Variants in RPH3A observed in about 807,000 individuals in gnomAD.
RPH3A encodes the protein rabphilin-3A.
Under a neutral mutation model 102.2 loss-of-function variants are expected in RPH3A, and 48 were observed. That is an observed-to-expected ratio of 0.47 (90% CI 0.37 to 0.60). The LOEUF (loss-of-function observed/expected upper bound fraction) is 0.60. Ranked by LOEUF, RPH3A falls within the 20% of genes least tolerant of loss-of-function variation. RPH3A has a pLI of 0.00. For synonymous variants in RPH3A, 310 were observed against 324.3 expected, an observed-to-expected ratio of 0.96 and a Z score of 0.47; for missense variants, 781 against 910.1, an observed-to-expected ratio of 0.86 and a Z score of 1.83.
chr12:112,781,847 A>G (rs2041011320), intron 1 of RPH3A, among the ~76,000 whole-genome samples: 3 of 152,268 alleles, frequency 2.0e-5, no homozygotes, highest in African/African-American at 7.2e-5. Context: ...ATGATGATCT[A>G]GTCCAGGTCT....
chr12:112,869,351 TGC>T (rs2042665428), intron 8 of RPH3A: 1 of 172,608 alleles, frequency 5.8e-6, no homozygotes. Flanking sequence ...GCACAATGCC[TGC>T]CACCTAAGAG....
chr12:112,803,332 A>G (rs2041391638), intron 2 of RPH3A, among the ~76,000 whole-genome samples: 1 of 151,754 alleles, frequency 6.6e-6, no homozygotes, highest in African/African-American at 2.4e-5. Context: ...AGATGGAGAG[A>G]GGGAGAGGAT....
chr12:112,633,066 TCTGTAGTCCCAGCTA>T lies in RPH3A; in HGVS notation c.-140+57765_-140+57779del, dbSNP rs371971824. Among the ~76,000 whole-genome samples, 268 of 151,442 alleles carry T rather than the reference TCTGTAGTCCCAGCTA, an allele frequency of 1.8e-3. 3 individuals carry two copies. In the East Asian group the frequency reaches 0.044, roughly 25 times the overall value. On this transcript the variant is annotated intron_variant, in intron 1 of 21. Coordinates refer to the RPH3A transcript ENST00000543106. ...AGTTAGCTGGGTGTGGTGGCACATG[TCTGTAGTCCCAGCTA>T]CTGTAGTCCCAGCTACTCAGGAGGC... is the stretch of plus-strand genomic sequence containing the variant.
intron 1 of RPH3A, among the ~76,000 whole-genome samples, chr12:112,778,589 T>C (rs1454902444): frequency 3.3e-5 from 5 of 152,166 alleles, no homozygotes; most frequent in Non-Finnish European, 1.5e-5. Context: ...TTTTACATTA[T>C]GGAAAAGTGT....
At chr12:112,629,627 C>G (rs1331435690) in intron 1 of RPH3A, among the ~76,000 whole-genome samples, 1 of 151,900 alleles carries the variant, frequency 6.6e-6, no homozygotes, top group African/African-American at 2.4e-5. Flanking sequence ...CAGGTCCACA[C>G]TCTTACACCT....
intron 1 of RPH3A, among the ~76,000 whole-genome samples, chr12:112,782,413 G>C (rs779591652): frequency 3.9e-5 from 6 of 152,214 alleles, no homozygotes; most frequent in Non-Finnish European, 7.3e-5. Context: ...GAAAAGAGGA[G>C]CTTCAATCTG....
chr12:112,790,277 C>T (rs760086060), upstream of RPH3A, among the ~76,000 whole-genome samples: 5 of 152,106 alleles, frequency 3.3e-5, no homozygotes, highest in East Asian at 1.9e-4. Context: ...AGGCTGATCT[C>T]GAACTCCTGA....
At chr12:112,766,049 C>T (rs2040886513) in intron 1 of RPH3A, among the ~76,000 whole-genome samples, 1 of 152,122 alleles carries the variant, frequency 6.6e-6, no homozygotes, top group African/African-American at 2.4e-5. Context: ...CATGAATCTG[C>T]TTGTATTTGA....
intron 1 of RPH3A, among the ~76,000 whole-genome samples, chr12:112,769,965 G>A (rs1302407610): frequency 4.6e-5 from 7 of 152,152 alleles, no homozygotes; most frequent in Admixed American, 4.6e-4. Flanking sequence ...TTAACTTACA[G>A]TATTGTTTTG....
chr12:112,655,264 C>T (rs73417159), intron 1 of RPH3A, among the ~76,000 whole-genome samples: 3,546 of 152,316 alleles, frequency 0.023, 144 homozygotes, highest in African/African-American at 0.08. Flanking sequence ...TAATTTTCCT[C>T]TACAATCAGC....
At chr12:112,849,098 C>T (rs1261877309) in intron 5 of RPH3A, among the ~76,000 whole-genome samples, 1 of 152,184 alleles carries the variant, frequency 6.6e-6, no homozygotes, top group Non-Finnish European at 1.5e-5. Flanking sequence ...ATTCCCTACC[C>T]AGACACTCAG....
Position 112,694,641 on chromosome 12 carries a change from C to T in RPH3A, c.-139-97502C>T, listed in dbSNP as rs533389045. 4.6e-3 allele frequency among the ~76,000 whole-genome samples: 409 copies of T among 89,132 alleles called. 3 individuals carry two copies. Among genetic ancestry groups the T allele is most frequent in the African/African-American group, 0.015 (364 of 23,560 alleles). The allele number at this position is 89,132 out of a possible 152,430, so 58.5% of individuals were successfully genotyped here. Reference sequence around the variant, plus strand: ...AGACAAAGACACACGCACGCGCGCGCGCGCACACGCACACACACACACACA... The same window carrying T: ...AGACAAAGACACACGCACGCGCGCGTGCGCACACGCACACACACACACACA... On this transcript the variant is annotated intron_variant, in intron 1 of 21. Transcript: ENST00000543106.
chr12:112,733,936 T>A (rs1217101346), intron 1 of RPH3A, among the ~76,000 whole-genome samples: 2 of 152,204 alleles, frequency 1.3e-5, no homozygotes, highest in African/African-American at 4.8e-5. Flanking sequence ...GTATTATTAC[T>A]ATGTTAATCT....
chr12:112,696,607 T>G (rs1427483181), intron 1 of RPH3A, among the ~76,000 whole-genome samples: 1 of 152,156 alleles, frequency 6.6e-6, no homozygotes, highest in Non-Finnish European at 1.5e-5. Flanking sequence ...CAGTTTTCCT[T>G]TTGATGTGAA....
intron 1 of RPH3A, among the ~76,000 whole-genome samples, chr12:112,728,356 T>G (rs1020731609): frequency 1.3e-5 from 2 of 152,218 alleles, no homozygotes; most frequent in Non-Finnish European, 2.9e-5. Flanking sequence ...GAAATGGCTT[T>G]TAAGCTTCTA....
chr12:112,578,650 C>A (rs1295205673), intron 1 of RPH3A, among the ~76,000 whole-genome samples: 1 of 152,128 alleles, frequency 6.6e-6, no homozygotes, highest in Non-Finnish European at 1.5e-5. Context: ...TCAATAAGCT[C>A]CTATTGCAAA....
At chr12:112,699,227 G>A (rs1225179887) in intron 1 of RPH3A, among the ~76,000 whole-genome samples, 1 of 152,164 alleles carries the variant, frequency 6.6e-6, no homozygotes, top group Non-Finnish European at 1.5e-5. Context: ...AGCCTGAATA[G>A]TTTCTTTTAA....
intron 13 of RPH3A, among the ~76,000 whole-genome samples, chr12:112,877,391 C>T (rs745993860): frequency 1.2e-4 from 18 of 150,796 alleles, no homozygotes; most frequent in South Asian, 2.1e-4. Flanking sequence ...CCCAGGGATA[C>T]GCACACACGT....
At chr12:112,863,014 T>C (rs1405653787) in intron 5 of RPH3A, among the ~76,000 whole-genome samples, 1 of 152,066 alleles carries the variant, frequency 6.6e-6, no homozygotes, top group Non-Finnish European at 1.5e-5. Flanking sequence ...ACTGGCTGTG[T>C]GTCTGGAGGG....
Sources: allele counts gnomAD v4.1 joint callset (sites outside exome capture counted in the v4.1 genomes callset), GRCh38; gene constraint gnomAD v4.1.1; transcripts MANE v1.5; gene names NCBI Gene and HGNC (gene_info 2026-07-23, HGNC 2026-07-21).